XPNPEP3: variants seen among roughly 807,000 people sequenced by gnomAD.
XPNPEP3 encodes xaa-Pro aminopeptidase 3.
Under a neutral mutation model 60.0 loss-of-function variants are expected in XPNPEP3, and 41 were observed. That is an observed-to-expected ratio of 0.68 (90% CI 0.53 to 0.89). XPNPEP3 has a LOEUF of 0.89. Among genes scored for constraint, XPNPEP3 ranks in the 40% least tolerant of loss-of-function variants. XPNPEP3 has a pLI of 0.00. For synonymous variants in XPNPEP3, 212 were observed against 223.2 expected (o/e 0.95, Z 0.45); for missense variants, 598 against 638.9 (o/e 0.94, Z 0.69).
intron 2 of XPNPEP3, among the ~76,000 whole-genome samples, chr22:40,878,381 C>T (rs1357812764): frequency 6.6e-6 from 1 of 151,952 alleles, no homozygotes; most frequent in Non-Finnish European, 1.5e-5. Flanking sequence ...AAATTGGATT[C>T]AGCAAACATA....
At chr22:40,884,163 C>A (rs1039546616) in intron 3 of XPNPEP3, among the ~76,000 whole-genome samples, 3 of 152,032 alleles carry the variant, frequency 2.0e-5, no homozygotes, top group Admixed American at 6.6e-5. Context: ...ATTGAACTTT[C>A]TTATGTCTTC....
At chr22:40,869,994 A>C (rs1238652972) in intron 2 of XPNPEP3, 6 of 469,250 alleles carry the variant, frequency 1.3e-5, no homozygotes, top group Non-Finnish European at 2.6e-5. Context: ...CCACTCAGTG[A>C]ATGATACCAG....
At chr22:40,891,526 G>T (rs1011756796) in intron 4 of XPNPEP3, among the ~76,000 whole-genome samples, 1 of 151,972 alleles carries the variant, frequency 6.6e-6, no homozygotes, top group Non-Finnish European at 1.5e-5. Context: ...GGTGGCGGGC[G>T]CCTGTAGTCC....
At chr22:40,858,218 G>A (rs1156404502) in intron 1 of XPNPEP3, among the ~76,000 whole-genome samples, 1 of 152,052 alleles carries the variant, frequency 6.6e-6, no homozygotes, top group Non-Finnish European at 1.5e-5. Flanking sequence ...CAATTCTCGT[G>A]CCTCAGCCTC....
Position 40,930,120 on chromosome 22 carries a change from G to A in XPNPEP3, c.*3685G>A, listed in dbSNP as rs1601525638. 3 of 146,344 alleles carry A rather than the reference G, an allele frequency of 2.0e-5. No homozygotes were observed. Among genetic ancestry groups the A allele is most frequent in the African/African-American group, 7.6e-5 (3 of 39,638 alleles). The allele number at this position is 146,344 out of a possible 1,614,324, so 9.1% of individuals were successfully genotyped here. A position where few individuals can be genotyped will look rare whatever the true frequency, so the allele number is the denominator to read the frequency against. ...CTTTTTTTTTTTTTAAAGGTTTTTT[G>A]TGGGGTTTTTTTGTTTTTTTTTTTT... On this transcript the variant is annotated 3_prime_UTR_variant, in exon 10 of 10. Transcript: ENST00000357137.
intron 2 of XPNPEP3, chr22:40,870,012 C>T (rs1365627537): frequency 6.4e-6 from 3 of 470,668 alleles, no homozygotes; most frequent in Non-Finnish European, 1.3e-5. Context: ...CAGTATGTTT[C>T]TCAGTGAGGG....
intron 2 of XPNPEP3, among the ~76,000 whole-genome samples, chr22:40,880,818 C>G (rs2058044711): frequency 6.7e-6 from 1 of 150,056 alleles, no homozygotes; most frequent in Admixed American, 6.7e-5. Flanking sequence ...TTGGCCAAGT[C>G]AGCAAAGGCC....
At chr22:40,871,760 C>T (rs1433313872) in intron 2 of XPNPEP3, among the ~76,000 whole-genome samples, 1 of 151,962 alleles carries the variant, frequency 6.6e-6, no homozygotes, top group Admixed American at 6.6e-5. Context: ...TGGGGCCAGG[C>T]GCGGTGGCTC....
chr22:40,916,351 C>T (rs1010624936), intron 7 of XPNPEP3, among the ~76,000 whole-genome samples: 1 of 151,390 alleles, frequency 6.6e-6, no homozygotes, highest in African/African-American at 2.4e-5. Flanking sequence ...CAGAAAGACT[C>T]TAAAGTAGCT....
chr22:40,884,310 A>C (rs944831467), intron 3 of XPNPEP3, among the ~76,000 whole-genome samples: 1 of 151,334 alleles, frequency 6.6e-6, no homozygotes, highest in African/African-American at 2.4e-5. Flanking sequence ...TAAATTTCTC[A>C]AAAGTACTTC....
chr22:40,885,989 A>G (rs1166676232), intron 3 of XPNPEP3, among the ~76,000 whole-genome samples: 5 of 150,722 alleles, frequency 3.3e-5, no homozygotes, highest in Admixed American at 6.6e-5. Flanking sequence ...CTCAAAAATA[A>G]AGAGAGAGAG....
intron 4 of XPNPEP3, among the ~76,000 whole-genome samples, chr22:40,895,810 C>T (rs975100180): frequency 6.6e-6 from 1 of 152,146 alleles, no homozygotes; most frequent in Non-Finnish European, 1.5e-5. Context: ...TTAATTCTGT[C>T]ATTCTTAAGT....
rs2058253946 is a variant in XPNPEP3 at position 40,931,335 on chromosome 22, T to A, written c.*4900T>A. ...ATCTGGATATCCAGTGTCACATACTTTTATGTATTTATTTCAGGAATTACT... is the reference window on the plus strand; with the variant it reads ...ATCTGGATATCCAGTGTCACATACTATTATGTATTTATTTCAGGAATTACT... On this transcript the variant is annotated 3_prime_UTR_variant, in exon 10 of 10. Coordinates refer to ENST00000357137, the MANE Select transcript of XPNPEP3 (RefSeq NM_022098.4). 3 of 152,308 alleles carry A rather than the reference T, an allele frequency of 2.0e-5. No individual in the cohort carries two copies. The South Asian group carries it at 6.2e-4, about 32-fold the overall frequency. The allele number at this position is 152,308 out of a possible 1,614,324, so 9.4% of individuals were successfully genotyped here.
At chr22:40,869,525 T>G (rs2057995063) in intron 2 of XPNPEP3, among the ~76,000 whole-genome samples, 1 of 152,212 alleles carries the variant, frequency 6.6e-6, no homozygotes, top group South Asian at 2.1e-4. Flanking sequence ...TTAGAAAACA[T>G]GTTTTTTCTT....
Position 40,926,709 on chromosome 22 carries a change from C to CTTGGTT in XPNPEP3, c.*274_*275insTTGGTT. On this transcript the variant is annotated 3_prime_UTR_variant, in exon 10 of 10. Transcript: ENST00000357137. Reference sequence around the variant, plus strand: ...GATCAGAGCAAGTTTAATTTTTAAACATAAAGGTCTTGGTTACACATGTCC... The same window carrying CTTGGTT: ...GATCAGAGCAAGTTTAATTTTTAAACTTGGTTATAAAGGTCTTGGTTACACATGTCC... The CTTGGTT allele has an allele frequency of 2.1e-6, 1 of 473,612 alleles. No homozygotes were observed. The highest frequency in any genetic ancestry group is 3.9e-6 in the Non-Finnish European group (1 of 258,656). The allele number at this position is 473,612 out of a possible 1,614,324, so 29.3% of individuals were successfully genotyped here.
intron 4 of XPNPEP3, among the ~76,000 whole-genome samples, chr22:40,906,081 G>A (rs1317573600): frequency 2.0e-5 from 3 of 151,618 alleles, no homozygotes; most frequent in Non-Finnish European, 2.9e-5. Flanking sequence ...TTGAGCCAAC[G>A]CACCCAGCCT....
chr22:40,922,764 A>G (rs576102170), intron 8 of XPNPEP3, among the ~76,000 whole-genome samples: 1 of 152,104 alleles, frequency 6.6e-6, no homozygotes, highest in Admixed American at 6.6e-5. Context: ...ATACACACAC[A>G]TACGTAGATA....
chr22:40,893,276 G>A (rs1279254402), intron 4 of XPNPEP3, among the ~76,000 whole-genome samples: 1 of 150,910 alleles, frequency 6.6e-6, no homozygotes, highest in African/African-American at 2.4e-5. Context: ...GGGAGGCCGA[G>A]GCAGGCGGAT....
chr22:40,879,166 C>A (rs908919893), intron 2 of XPNPEP3, among the ~76,000 whole-genome samples: 1 of 152,108 alleles, frequency 6.6e-6, no homozygotes, highest in African/African-American at 2.4e-5. Context: ...AGACTCTTAG[C>A]CAGCTCAATC....
Sources: allele counts gnomAD v4.1 joint callset (sites outside exome capture counted in the v4.1 genomes callset), GRCh38; gene constraint gnomAD v4.1.1; transcripts MANE v1.5; gene names NCBI Gene and HGNC (gene_info 2026-07-23, HGNC 2026-07-21).